Variants in SOX5 observed in about 807,000 individuals in gnomAD.
The protein encoded by SOX5 is transcription factor SOX-5.
Under a neutral mutation model 92.0 loss-of-function variants are expected in SOX5, and 9 were observed. The observed-to-expected ratio is 0.10, with a 90% CI of 0.06 to 0.17. The LOEUF is 0.17. Among genes scored for constraint, SOX5 ranks in the 10% least tolerant of loss-of-function variants. The pLI, the probability that SOX5 is intolerant of heterozygous loss-of-function variation, is 1.00. For missense variants in SOX5, 642 were observed against 944.5 expected, an observed-to-expected ratio of 0.68 and a Z score of 4.20; for synonymous variants, 344 against 336.3, an observed-to-expected ratio of 1.02 and a Z score of -0.25.
At chr12:23,782,985 C>T (rs1465169640) in intron 3 of SOX5, among the ~76,000 whole-genome samples, 3 of 152,080 alleles carry the variant, frequency 2.0e-5, no homozygotes, top group Admixed American at 6.6e-5. Context: ...CTGAAGAAAG[C>T]ACACTGCCGT....
chr12:24,232,937 C>T (rs1963709021), intron 3 of SOX5, among the ~76,000 whole-genome samples: 1 of 152,208 alleles, frequency 6.6e-6, no homozygotes, highest in Non-Finnish European at 1.5e-5. Context: ...TAAATGGAAG[C>T]CACCATGTGA....
At chr12:23,601,167 A>G (rs1031129157) in intron 9 of SOX5, among the ~76,000 whole-genome samples, 2 of 152,170 alleles carry the variant, frequency 1.3e-5, no homozygotes, top group Admixed American at 6.6e-5. Flanking sequence ...GATTGAAAAC[A>G]GCATGCATCA....
chr12:23,584,384 T>C (rs561557858), intron 9 of SOX5, among the ~76,000 whole-genome samples: 135 of 152,276 alleles, frequency 8.9e-4, no homozygotes, highest in Non-Finnish European at 1.6e-3. Context: ...ATTTATGTTT[T>C]CTCAGATCTT....
At chr12:24,456,166 T>G (rs1028631803) in intron 1 of SOX5, among the ~76,000 whole-genome samples, 1 of 152,134 alleles carries the variant, frequency 6.6e-6, no homozygotes, top group Non-Finnish European at 1.5e-5. Context: ...GTAATTCAAC[T>G]TTTCCTCTTT....
chr12:24,328,547 G>T (rs1323751446), intron 2 of SOX5, among the ~76,000 whole-genome samples: 1 of 152,142 alleles, frequency 6.6e-6, no homozygotes, highest in African/African-American at 2.4e-5. Flanking sequence ...GAGAGCAAAA[G>T]CTTGGTTTGA....
rs76823164 is a variant in SOX5, at chr12:24,430,114, C to T, written c.-250-61475G>A. Among the ~76,000 whole-genome samples the T allele has an allele frequency of 4.6e-3, 702 of 152,216 alleles. 11 individuals are homozygous for T. The East Asian group carries it at 0.051, about 11-fold the overall frequency. On this transcript the variant is annotated intron_variant, in intron 1 of 4. Coordinates refer to the SOX5 transcript ENST00000446891. ...ATTTAAGCACATACCAATAGTCTATCTGAAATGTGAACTAAAAGTAAAAGA... is the reference window on the plus strand; with the variant it reads ...ATTTAAGCACATACCAATAGTCTATTTGAAATGTGAACTAAAAGTAAAAGA...
chr12:23,656,354 C>T (rs2082303476), intron 7 of SOX5, among the ~76,000 whole-genome samples: 1 of 151,938 alleles, frequency 6.6e-6, no homozygotes, highest in Non-Finnish European at 1.5e-5. Flanking sequence ...CTCTCAGGTG[C>T]AAAATGTTCA....
At chr12:23,908,776 T>A (rs1280983734) in intron 1 of SOX5, among the ~76,000 whole-genome samples, 1 of 152,048 alleles carries the variant, frequency 6.6e-6, no homozygotes, top group Non-Finnish European at 1.5e-5. Context: ...GATGCAGCTA[T>A]GGTTGATGTT....
chr12:24,494,762 G>A (rs1197773085), intron 1 of SOX5, among the ~76,000 whole-genome samples: 2 of 151,888 alleles, frequency 1.3e-5, no homozygotes, highest in South Asian at 2.1e-4. Context: ...AAATGAGAAG[G>A]GTATGGCAGC....
At chr12:24,175,821 T>A (rs1031088300) in intron 4 of SOX5, among the ~76,000 whole-genome samples, 1 of 151,992 alleles carries the variant, frequency 6.6e-6, no homozygotes, top group Non-Finnish European at 1.5e-5. Context: ...ATCTCCTGAC[T>A]GTACTAAAAA....
At chr12:23,786,549 A>G (rs2095381854) in intron 3 of SOX5, among the ~76,000 whole-genome samples, 1 of 151,630 alleles carries the variant, frequency 6.6e-6, no homozygotes, top group Non-Finnish European at 1.5e-5. Flanking sequence ...ATCTCAAAAA[A>G]AAAAAAAAGA....
At chr12:24,118,763 A>T (rs1203717276) in intron 4 of SOX5, among the ~76,000 whole-genome samples, 1 of 152,174 alleles carries the variant, frequency 6.6e-6, no homozygotes, top group African/African-American at 2.4e-5. Flanking sequence ...TGTCAAGAAG[A>T]ATAACATAAC....
At chr12:24,560,380 A>T (rs1021383097) in intron 1 of SOX5, among the ~76,000 whole-genome samples, 4 of 152,224 alleles carry the variant, frequency 2.6e-5, no homozygotes, top group African/African-American at 9.6e-5. Context: ...GTTTTAAGTG[A>T]TGCTTATGAT....
At chr12:24,244,605 C>A (rs1938244075) in intron 3 of SOX5, among the ~76,000 whole-genome samples, 1 of 152,220 alleles carries the variant, frequency 6.6e-6, no homozygotes, top group African/African-American at 2.4e-5. Context: ...TGCCATCCTC[C>A]CTGGAAATTT....
intron 6 of SOX5, among the ~76,000 whole-genome samples, chr12:23,677,579 CA>C (rs759943035): frequency 4.0e-4 from 61 of 152,204 alleles, no homozygotes; most frequent in Middle Eastern, 3.4e-3. Context: ...AAAACTAAAG[CA>C]AAACAAAACC....
At chr12:23,861,021 T>G (rs2136417553) in intron 2 of SOX5, among the ~76,000 whole-genome samples, 1 of 143,644 alleles carries the variant, frequency 7.0e-6, no homozygotes, top group Admixed American at 7.1e-5. Flanking sequence ...ATAGAATATG[T>G]CAAACAGAGA....
intron 4 of SOX5, among the ~76,000 whole-genome samples, chr12:23,971,492 C>A (rs1025092103): frequency 6.6e-6 from 1 of 150,972 alleles, no homozygotes; most frequent in Non-Finnish European, 1.5e-5. Context: ...TTACCACTAC[C>A]CCATTGCCTA....
rs10082948 is a variant in SOX5 at position 24,123,277 on chromosome 12, A to G, written c.-2+90066T>C. 6.4e-3 allele frequency among the ~76,000 whole-genome samples: 980 copies of G among 152,360 alleles called. 10 individuals carry two copies. Among genetic ancestry groups the G allele is most frequent in the African/African-American group, 0.022 (903 of 41,584 alleles). On this transcript the variant is annotated intron_variant, in intron 4 of 4. Coordinates refer to the SOX5 transcript ENST00000446891. ...CCAATGCTAATAATAAAAAAAGGATAGAGGTAACTAATTCAAAATAGCAGG... is the reference window on the plus strand; with the variant it reads ...CCAATGCTAATAATAAAAAAAGGATGGAGGTAACTAATTCAAAATAGCAGG...
chr12:24,198,792 A>G (rs1957249624), intron 4 of SOX5, among the ~76,000 whole-genome samples: 1 of 152,246 alleles, frequency 6.6e-6, no homozygotes, highest in African/African-American at 2.4e-5. Flanking sequence ...CTTACATGCT[A>G]GTATGAGGTC....
Sources: allele counts gnomAD v4.1 joint callset (sites outside exome capture counted in the v4.1 genomes callset), GRCh38; gene constraint gnomAD v4.1.1; transcripts MANE v1.5; gene names NCBI Gene and HGNC (gene_info 2026-07-23, HGNC 2026-07-21).